Variants in PPFIA2 observed in about 807,000 individuals in gnomAD.
PPFIA2 encodes PPFI scaffold protein A2.
Under a neutral mutation model 175.5 loss-of-function variants are expected in PPFIA2, and 46 were observed. That is an observed-to-expected ratio of 0.26 (90% CI 0.21 to 0.34). The LOEUF is 0.34. Among genes scored for constraint, PPFIA2 ranks in the 10% least tolerant of loss-of-function variants. PPFIA2 has a pLI of 1.00. For missense variants in PPFIA2, 1,179 were observed against 1,506.1 expected (o/e 0.78, Z 3.60); for synonymous variants, 568 against 511.4 (o/e 1.11, Z -1.49).
intron 3 of PPFIA2, among the ~76,000 whole-genome samples, chr12:81,752,695 T>A (rs2083990334): frequency 6.6e-6 from 1 of 152,334 alleles, no homozygotes; most frequent in Non-Finnish European, 1.5e-5. Context: ...ATAGTACAGA[T>A]AGCTTTAGAA....
At chr12:81,286,947 G>A (rs992437807) in intron 24 of PPFIA2, among the ~76,000 whole-genome samples, 1 of 151,906 alleles carries the variant, frequency 6.6e-6, no homozygotes, top group African/African-American at 2.4e-5. Context: ...TAACAATGAT[G>A]CTCATTATAA....
In PPFIA2 at chr12:81,374,930, G is replaced by A. The variant is rs75191565; in HGVS notation, c.1132-162C>T. ...GATTGTTGTCTTGTTATCATATATTGCTTATCTGTTTCCTTCATACATTTC... is the reference window on the plus strand; with the variant it reads ...GATTGTTGTCTTGTTATCATATATTACTTATCTGTTTCCTTCATACATTTC... On this transcript the variant is annotated intron_variant, in intron 10 of 32. Transcript: ENST00000549396. Among the ~76,000 whole-genome samples, 589 of 152,228 alleles carry A rather than the reference G, an allele frequency of 3.9e-3. 4 individuals are homozygous for A. The highest frequency in any genetic ancestry group is 0.013 in the African/African-American group (539 of 41,560).
At chr12:81,702,737 C>T (rs2076643308) in intron 3 of PPFIA2, among the ~76,000 whole-genome samples, 2 of 152,054 alleles carry the variant, frequency 1.3e-5, no homozygotes, top group African/African-American at 2.4e-5. Flanking sequence ...TTTTGAACCC[C>T]TAAATCCCAA....
At chr12:81,675,954 T>C (rs2072432207) in intron 4 of PPFIA2, among the ~76,000 whole-genome samples, 2 of 152,104 alleles carry the variant, frequency 1.3e-5, no homozygotes, top group Admixed American at 1.3e-4. Context: ...CATATCTGAG[T>C]GAGAAAGAGC....
At chr12:81,692,121 C>CACACACACAA (rs2075323625) in intron 3 of PPFIA2, among the ~76,000 whole-genome samples, 1 of 151,578 alleles carries the variant, frequency 6.6e-6, no homozygotes, top group Admixed American at 6.6e-5. Context: ...CACACACACA[C>CACACACACAA]ACACACACAC....
chr12:81,451,409 G>A, intron 5 of PPFIA2, among the ~76,000 whole-genome samples: 1 of 152,062 alleles, frequency 6.6e-6, no homozygotes, highest in East Asian at 1.9e-4. Flanking sequence ...TAGCCTGACG[G>A]GGCAGAGAGG....
intron 21 of PPFIA2, among the ~76,000 whole-genome samples, chr12:81,327,585 A>G (rs1243188289): frequency 6.6e-6 from 1 of 152,154 alleles, no homozygotes; most frequent in Admixed American, 6.5e-5. Context: ...TGAATGGTCC[A>G]TATAGGGACA....
chr12:81,666,050 A>G (rs1295694315), intron 4 of PPFIA2, among the ~76,000 whole-genome samples: 1 of 152,128 alleles, frequency 6.6e-6, no homozygotes, highest in Non-Finnish European at 1.5e-5. Flanking sequence ...GCAAATCAAA[A>G]CCACAATGAG....
At chr12:81,428,071 A>C (rs1215420060) in intron 7 of PPFIA2, among the ~76,000 whole-genome samples, 2 of 151,990 alleles carry the variant, frequency 1.3e-5, no homozygotes, top group Non-Finnish European at 2.9e-5. Context: ...TGTTAGCTTA[A>C]AAACAATAAG....
At chr12:81,458,879 T>A (rs1379220448) in intron 4 of PPFIA2, among the ~76,000 whole-genome samples, 1 of 152,166 alleles carries the variant, frequency 6.6e-6, no homozygotes, top group Non-Finnish European at 1.5e-5. Flanking sequence ...TTTAAGTATT[T>A]GGGAAAACTT....
intron 3 of PPFIA2, among the ~76,000 whole-genome samples, chr12:81,727,202 T>C (rs1010251680): frequency 6.6e-6 from 1 of 151,228 alleles, no homozygotes; most frequent in Non-Finnish European, 1.5e-5. Flanking sequence ...ATCAAAATAA[T>C]GCTATTTTTC....
intron 4 of PPFIA2, among the ~76,000 whole-genome samples, chr12:81,620,115 G>GCGCCA (rs1394192003): frequency 7.5e-6 from 1 of 134,020 alleles, no homozygotes; most frequent in East Asian, 2.4e-4. Flanking sequence ...AGCCGAGATC[G>GCGCCA]CGCCACTGCA....
At chr12:81,368,042 A>G in intron 13 of PPFIA2, 1 of 1,115,032 alleles carries the variant, frequency 9.0e-7, no homozygotes, top group Non-Finnish European at 1.2e-6. Context: ...TAGCTAAAAT[A>G]GTGATTGGCA....
intron 3 of PPFIA2, among the ~76,000 whole-genome samples, chr12:81,751,439 G>C: frequency 6.7e-6 from 1 of 150,238 alleles, no homozygotes; most frequent in Non-Finnish European, 1.5e-5. Context: ...CATGCAGTAG[G>C]AATATTCATA....
intron 27 of PPFIA2, among the ~76,000 whole-genome samples, chr12:81,279,521 T>C (rs1050283003): frequency 1.3e-5 from 2 of 152,188 alleles, no homozygotes; most frequent in African/African-American, 2.4e-5. Flanking sequence ...TATAATATTA[T>C]GAAAATGTCT....
intron 4 of PPFIA2, among the ~76,000 whole-genome samples, chr12:81,572,275 C>T (rs2072697615): frequency 6.6e-6 from 1 of 151,986 alleles, no homozygotes; most frequent in African/African-American, 2.4e-5. Flanking sequence ...ACTCAAAAGT[C>T]AAGTTCTCAG....
chr12:81,453,366 G>T (rs1182694268), intron 5 of PPFIA2, among the ~76,000 whole-genome samples: 1 of 151,930 alleles, frequency 6.6e-6, no homozygotes. Flanking sequence ...ACATTCACAG[G>T]CAATAACTAT....
At chr12:81,467,227 C>T (rs114771356) in intron 4 of PPFIA2, among the ~76,000 whole-genome samples, 15,291 of 152,094 alleles carry the variant, frequency 0.1, 900 homozygotes, top group Middle Eastern at 0.17. Context: ...ATATATCTTA[C>T]TGTACCCCTC....
chr12:81,639,478 C>G (rs1424901531), intron 4 of PPFIA2, among the ~76,000 whole-genome samples: 1 of 151,956 alleles, frequency 6.6e-6, no homozygotes, highest in Non-Finnish European at 1.5e-5. Flanking sequence ...CCACCTCCAG[C>G]ATGACTCAAA....
Sources: allele counts gnomAD v4.1 joint callset (sites outside exome capture counted in the v4.1 genomes callset), GRCh38; gene constraint gnomAD v4.1.1; transcripts MANE v1.5; gene names NCBI Gene and HGNC (gene_info 2026-07-23, HGNC 2026-07-21).